The following WIPF3 variants were observed in gnomAD, a reference collection of about 807,000 sequenced individuals.
WIPF3 encodes the protein WAS/WASL interacting protein family member 3, also known as WAS/WASL-interacting protein family member 3.
WIPF3 carries 33 observed loss-of-function variants against 38.9 expected under a neutral mutation model. The ratio of observed to expected loss-of-function variants is 0.85; its 90% CI spans 0.64 to 1.14. The LOEUF is 1.14. WIPF3 is among the 50% of genes most tolerant of loss of function. The probability of loss-of-function intolerance (pLI) is 0.00; values close to 1 mark genes in which losing one functional copy is unlikely to be tolerated. For missense variants in WIPF3, 711 were observed against 652.5 expected (o/e 1.09, Z -0.98); for synonymous variants, 324 against 269.3 (o/e 1.20, Z -1.99).
In WIPF3 at chr7:29,876,014, TGTGAGGCACAGCCAGACACCCCTGGCTG is replaced by T. The variant is rs528965940; in HGVS notation, c.223+54_223+81del. 55 of 1,597,822 alleles carry T rather than the reference TGTGAGGCACAGCCAGACACCCCTGGCTG, an allele frequency of 3.4e-5. 1 individual carries two copies. In the East Asian group the frequency reaches 6.7e-4, roughly 20 times the overall value. ...CTGTGAGCCAAAGACAGGACAGGCA[TGTGAGGCACAGCCAGACACCCCTGGCTG>T]GGGCCACAGCTGCTTCCCAGGATGC... On this transcript the variant is annotated intron_variant, in intron 3 of 8. Coordinates refer to ENST00000242140, the MANE Select transcript of WIPF3 (RefSeq NM_001080529.3).
At chr7:29,855,526 G>A (rs1785172786) in intron 2 of WIPF3, among the ~76,000 whole-genome samples, 1 of 152,202 alleles carries the variant, frequency 6.6e-6, no homozygotes, top group African/African-American at 2.4e-5. Context: ...CAGTCTTTCA[G>A]TAATCACAAA....
Position 29,915,465 on chromosome 7 carries a change from G to A in WIPF3, c.*949G>A, listed in dbSNP as rs756745924. ...ATGAAAAAGTGTAGAACGAAACATC[G>A]TGTGAAATACCTGCCACAAATACCT... is the stretch of plus-strand genomic sequence containing the variant. On this transcript the variant is annotated 3_prime_UTR_variant, in exon 9 of 9. Coordinates refer to ENST00000242140, the MANE Select transcript of WIPF3 (RefSeq NM_001080529.3). 2.0e-5 allele frequency: 3 copies of A among 152,062 alleles called. No homozygotes were observed. Among genetic ancestry groups the A allele is most frequent in the African/African-American group, 7.3e-5 (3 of 41,368 alleles). The allele number at this position is 152,062 out of a possible 1,614,324, so 9.4% of individuals were successfully genotyped here.
chr7:29,879,907 A>G (rs1048419769), intron 4 of WIPF3, among the ~76,000 whole-genome samples: 5 of 152,214 alleles, frequency 3.3e-5, no homozygotes, highest in African/African-American at 1.2e-4. Context: ...TGGAAGTCTA[A>G]GAAGTATCAC....
intron 2 of WIPF3, among the ~76,000 whole-genome samples, chr7:29,848,908 TA>T (rs1448706506): frequency 6.6e-6 from 1 of 152,096 alleles, no homozygotes; most frequent in East Asian, 1.9e-4. Context: ...TTTTTCATAG[TA>T]AAAAAACTTT....
chr7:29,837,628 G>T (rs1784827272), intron 2 of WIPF3, among the ~76,000 whole-genome samples: 1 of 151,984 alleles, frequency 6.6e-6, no homozygotes, highest in Non-Finnish European at 1.5e-5. Flanking sequence ...AAATAATCAT[G>T]TAAATTTTAA....
intron 1 of WIPF3, among the ~76,000 whole-genome samples, chr7:29,810,518 A>G (rs1157398295): frequency 6.6e-6 from 1 of 152,170 alleles, no homozygotes; most frequent in African/African-American, 2.4e-5. Context: ...ATCTGGAAGT[A>G]TGTTCCAAGA....
At chr7:29,888,661 C>G (rs1213500918) in intron 6 of WIPF3, among the ~76,000 whole-genome samples, 12 of 152,086 alleles carry the variant, frequency 7.9e-5, no homozygotes, top group Admixed American at 5.2e-4. Context: ...GGAAAGTCAC[C>G]TGGGGTCAGA....
chr7:29,816,945 C>T (rs1235398441), intron 1 of WIPF3, among the ~76,000 whole-genome samples: 1 of 152,144 alleles, frequency 6.6e-6, no homozygotes, highest in Non-Finnish European at 1.5e-5. Flanking sequence ...TTTCCCATTA[C>T]CCTTCACAGA....
intron 1 of WIPF3, among the ~76,000 whole-genome samples, chr7:29,813,466 C>T (rs551307108): frequency 6.6e-6 from 1 of 152,216 alleles, no homozygotes; most frequent in Non-Finnish European, 1.5e-5. Flanking sequence ...TCTGCTCATA[C>T]CCGCCCCTGC....
chr7:29,848,786 G>C (rs1785044064), intron 2 of WIPF3, among the ~76,000 whole-genome samples: 2 of 152,152 alleles, frequency 1.3e-5, no homozygotes, highest in Non-Finnish European at 2.9e-5. Context: ...TTTGGAGGGG[G>C]AACGTGGGTT....
chr7:29,864,166 A>AT (rs1785347917), intron 2 of WIPF3, among the ~76,000 whole-genome samples: 1 of 152,014 alleles, frequency 6.6e-6, no homozygotes, highest in African/African-American at 2.4e-5. Flanking sequence ...AGTTTTGTTT[A>AT]TTTTTTTAAA....
At chr7:29,907,821 C>A (rs1786427079) in intron 8 of WIPF3, among the ~76,000 whole-genome samples, 1 of 151,840 alleles carries the variant, frequency 6.6e-6, no homozygotes, top group African/African-American at 2.4e-5. Context: ...TTATAGCAGC[C>A]TGAAAAGACT....
At position 29,838,759 on chromosome 7, in the gene WIPF3, A is replaced by T. The variant is rs143218639; in HGVS notation, c.90+3945A>T. Among the ~76,000 whole-genome samples the T allele has an allele frequency of 5.8e-3, 887 of 152,328 alleles. 9 individuals carry two copies. Among genetic ancestry groups the T allele is most frequent in the African/African-American group, 0.02 (814 of 41,572 alleles). ...AGTATGTGCCTGCATGACCCAAAAG[A>T]CATGTTAAGAACATTTGTAGCAGCA... On this transcript the variant is annotated intron_variant, in intron 2 of 8. Coordinates refer to ENST00000242140, the MANE Select transcript of WIPF3 (RefSeq NM_001080529.3).
chr7:29,896,343 A>G (rs1786144137), intron 7 of WIPF3, among the ~76,000 whole-genome samples: 1 of 151,938 alleles, frequency 6.6e-6, no homozygotes, highest in South Asian at 2.1e-4. Flanking sequence ...GGCTGAGTAC[A>G]GTGGCTCATG....
chr7:29,911,711 A>G (rs556955490), intron 8 of WIPF3, among the ~76,000 whole-genome samples: 1 of 152,318 alleles, frequency 6.6e-6, no homozygotes, highest in Admixed American at 6.5e-5. Context: ...AAATGATGCT[A>G]GGAACACTGG....
chr7:29,812,002 G>A (rs1287278172), intron 1 of WIPF3, among the ~76,000 whole-genome samples: 1 of 152,118 alleles, frequency 6.6e-6, no homozygotes, highest in African/African-American at 2.4e-5. Context: ...CCTCATCCAG[G>A]AAAAGTCCAA....
At chr7:29,871,229 T>A (rs1005799723) in intron 2 of WIPF3, among the ~76,000 whole-genome samples, 3 of 152,190 alleles carry the variant, frequency 2.0e-5, no homozygotes, top group Admixed American at 6.5e-5. Flanking sequence ...TACATAAAGA[T>A]GGCAACAGTA....
intron 1 of WIPF3, among the ~76,000 whole-genome samples, chr7:29,819,177 T>G (rs1199447366): frequency 2.0e-5 from 3 of 152,176 alleles, no homozygotes; most frequent in Non-Finnish European, 2.9e-5. Flanking sequence ...TTCTTGGTGG[T>G]GGATCTTTGA....
intron 2 of WIPF3, among the ~76,000 whole-genome samples, chr7:29,838,542 G>A (rs1416009428): frequency 1.3e-5 from 2 of 151,914 alleles, no homozygotes; most frequent in Non-Finnish European, 2.9e-5. Context: ...CCTCTAAATG[G>A]TATATGAAGC....
Sources: allele counts gnomAD v4.1 joint callset (sites outside exome capture counted in the v4.1 genomes callset), GRCh38; gene constraint gnomAD v4.1.1; transcripts MANE v1.5; gene names NCBI Gene and HGNC (gene_info 2026-07-23, HGNC 2026-07-21).